The following AKR1B1 variants were observed in gnomAD, a reference collection of about 807,000 sequenced individuals.
AKR1B1 encodes the protein aldo-keto reductase family 1 member B1.
A neutral mutation model predicts 40.4 loss-of-function variants in AKR1B1; 22 were observed. The observed-to-expected ratio is 0.54, with a 90% CI of 0.39 to 0.78. The LOEUF (loss-of-function observed/expected upper bound fraction) is 0.78, where lower values mean the gene tolerates loss of function less well. AKR1B1 is among the 30% of genes least tolerant of loss of function. The pLI is 0.00. For synonymous variants in AKR1B1, 157 were observed against 149.9 expected, an observed-to-expected ratio of 1.05 and a Z score of -0.35; for missense variants, 357 against 396.7, an observed-to-expected ratio of 0.90 and a Z score of 0.85.
chr7:134,451,694 G>A lies in AKR1B1; in HGVS notation c.126C>T (p.His42=), dbSNP rs750716774. ...TCTGGTACACATGGGCACAGTCGATGTGGCGGTACCCGACGTCAATGGCCA... is the reference window on the plus strand; with the variant it reads ...TCTGGTACACATGGGCACAGTCGATATGGCGGTACCCGACGTCAATGGCCA... The part of the protein sequence containing the change: ...VKVAIDVGYR[H]IDCAHVYQNE... The change falls in exon 2 of 10, where the codon CAC becomes CAT. Residue 42 remains histidine (H), a synonymous_variant. Coordinates refer to ENST00000285930, the MANE Select transcript of AKR1B1 (RefSeq NM_001628.4). The A allele has an allele frequency of 4.3e-6, 7 of 1,614,066 alleles. No individual in the cohort carries two copies. The highest frequency in any genetic ancestry group is 1.6e-4 in the Middle Eastern group (1 of 6,084).
rs949899930 is a variant in AKR1B1 at position 134,451,813 on chromosome 7, G to T, written c.67-60C>A. On this transcript the variant is annotated intron_variant, in intron 1 of 9. Coordinates refer to ENST00000285930, the MANE Select transcript of AKR1B1 (RefSeq NM_001628.4). The stretch of plus-strand genomic sequence containing the variant: ...CAGAGTCTGCACAGCAAGGAGGAGG[G>T]GCAGTGGCAGCCACCGATACCTGCT... 1.2e-5 allele frequency: 19 copies of T among 1,577,010 alleles called. No individual in the cohort carries two copies. The African/African-American group carries it at 2.0e-4, about 17-fold the overall frequency.
chr7:134,451,747 G>T lies in AKR1B1; in HGVS notation c.73C>A (p.Pro25Thr). 6.2e-7 allele frequency: 1 copy of T among 1,614,098 alleles called. No individual in the cohort carries two copies. Among genetic ancestry groups the T allele is most frequent in the Non-Finnish European group, 8.5e-7 (1 of 1,180,000 alleles). Residue 25 changes from proline (P) to threonine (T), a missense_variant, in exon 2 of 10, where the codon CCA (proline) becomes ACA (threonine). By Grantham distance (38) the Pro-to-Thr change is conservative. Coordinates refer to ENST00000285930, the MANE Select transcript of AKR1B1 (RefSeq NM_001628.4). Reference sequence around the variant, plus strand: ...TTCACGGCCTCAGTCACCTGCCCTGGAGGGGACTGAAAGGAGAAAGAACGT... The same window carrying T: ...TTCACGGCCTCAGTCACCTGCCCTGTAGGGGACTGAAAGGAGAAAGAACGT... ...ILGLGTWKSP[P>T]GQVTEAVKVA...
chr7:134,458,340 C>T (rs915758164), intron 1 of AKR1B1, among the ~76,000 whole-genome samples: 1 of 152,078 alleles, frequency 6.6e-6, no homozygotes, highest in Non-Finnish European at 1.5e-5. Flanking sequence ...GATTTTTCTC[C>T]CGAGTTCCAG....
intron 5 of AKR1B1, among the ~76,000 whole-genome samples, chr7:134,448,709 G>C (rs1806186279): frequency 6.6e-6 from 1 of 152,182 alleles, no homozygotes; most frequent in East Asian, 1.9e-4. Context: ...ATGGGCCCTA[G>C]AGGCTTTTCT....
intron 5 of AKR1B1, 110 bp downstream of exon 5, chr7:134,448,887 C>G: frequency 7.3e-7 from 1 of 1,366,654 alleles, no homozygotes; most frequent in East Asian, 2.3e-5. Context: ...TGCCAACACC[C>G]AGGAGCTGCC....
Position 134,442,680 on chromosome 7 carries a change from A to T in AKR1B1, c.*48T>A. On this transcript the variant is annotated 3_prime_UTR_variant, in exon 10 of 10. Transcript: ENST00000285930. Reference sequence around the variant, plus strand: ...ACATTTGCAAGGAAAAAAATGAGGCAAGAAACACAGGTATAGGTCACTTGG... The same window carrying T: ...ACATTTGCAAGGAAAAAAATGAGGCTAGAAACACAGGTATAGGTCACTTGG... The T allele has an allele frequency of 1.9e-6, 3 of 1,601,844 alleles. No homozygotes were observed. Among genetic ancestry groups the T allele is most frequent in the Non-Finnish European group, 2.6e-6 (3 of 1,169,152 alleles).
At chr7:134,442,859 G>T (rs1805980884) in intron 9 of AKR1B1, 89 bp from the exon 10 acceptor site, 2 of 1,281,672 alleles carry the variant, frequency 1.6e-6, no homozygotes, top group Non-Finnish European at 2.2e-6. Flanking sequence ...GTGTCTCACT[G>T]AAGAAATAAA....
At position 134,453,716 on chromosome 7, in the gene AKR1B1, T is replaced by C. The variant is rs544966822; in HGVS notation, c.67-1963A>G. 4.1e-3 allele frequency among the ~76,000 whole-genome samples: 624 copies of C among 152,294 alleles called. 2 individuals carry two copies. The highest frequency in any genetic ancestry group is 0.014 in the African/African-American group (599 of 41,556). Reference sequence around the variant, plus strand: ...TCACGAAGAAGCTGCTGATCATTCCTTGGATATGTGCCATTCGCTGGAGAC... The same window carrying C: ...TCACGAAGAAGCTGCTGATCATTCCCTGGATATGTGCCATTCGCTGGAGAC... On this transcript the variant is annotated intron_variant, in intron 1 of 9. Transcript: ENST00000285930.
At position 134,449,028 on chromosome 7, in the gene AKR1B1, GGTTT is replaced by G. The variant is rs1342361244; in HGVS notation, c.517_520del (p.Lys173LeufsTer3). ...AACTGCAGGCTTATACTTCAAGCCA[GGTTT>G]GTTTAAGATCATCTCCACCTGGAGA... On this transcript the variant is annotated frameshift_variant, in exon 5 of 10. Transcript: ENST00000285930. LOFTEE classifies it high-confidence loss of function. The G allele has an allele frequency of 1.9e-6, 3 of 1,614,032 alleles. No homozygotes were observed. The highest frequency in any genetic ancestry group is 8.5e-7 in the Non-Finnish European group (1 of 1,180,024).
In AKR1B1 at chr7:134,450,891, C is replaced by G. The variant is rs139738197; in HGVS notation, c.246G>C (p.Thr82=). 2 of 1,613,888 alleles carry G rather than the reference C, an allele frequency of 1.2e-6. No homozygotes were observed. Among genetic ancestry groups the G allele is most frequent in the South Asian group, 1.1e-5 (1 of 91,082 alleles). ...ELFIVSKLWC[T]YHEKGLVKGA... is the part of the protein sequence containing the mutation. Reference sequence around the variant, plus strand: ...CTTTCACCAGGCCCTTCTCATGGTACGTGCACCACAGCTAAGCCAGCGAGA... The same window carrying G: ...CTTTCACCAGGCCCTTCTCATGGTAGGTGCACCACAGCTAAGCCAGCGAGA... The change falls in exon 3 of 10, where the codon ACG becomes ACC. Residue 82 remains threonine, a synonymous_variant. Coordinates refer to ENST00000285930, the MANE Select transcript of AKR1B1 (RefSeq NM_001628.4).
At chr7:134,452,893 C>T (rs533728261) in intron 1 of AKR1B1, among the ~76,000 whole-genome samples, 14 of 152,120 alleles carry the variant, frequency 9.2e-5, no homozygotes, top group Non-Finnish European at 1.5e-4. Context: ...GAGGGAGCAG[C>T]GAGGCAGGGT....
chr7:134,445,119 C>A lies in AKR1B1; in HGVS notation c.908+119G>T, dbSNP rs13306159. 974 of 923,306 alleles carry A rather than the reference C, an allele frequency of 1.1e-3. 12 individuals are homozygous for A. The East Asian group carries it at 0.023, about 22-fold the overall frequency. 57.2% of individuals were successfully genotyped at this position (923,306 alleles called of 1,614,324 possible). A position where few individuals can be genotyped will look rare whatever the true frequency, so the allele number is the denominator to read the frequency against. ...GTGGCTGAGAAAGCAAGGTAATGTG[C>A]AAAGCAAGAACAGCTGTGACGAGAG... is the stretch of plus-strand genomic sequence containing the variant. On this transcript the variant is annotated intron_variant, in intron 9 of 9. Coordinates refer to ENST00000285930, the MANE Select transcript of AKR1B1 (RefSeq NM_001628.4).
intron 3 of AKR1B1, among the ~76,000 whole-genome samples, 164 bp from the exon 4 acceptor site, chr7:134,449,961 T>A (rs1806235166): frequency 6.6e-6 from 1 of 152,220 alleles, no homozygotes; most frequent in Non-Finnish European, 1.5e-5. Context: ...CAACACTTCT[T>A]TATCAAACGG....
Position 134,448,463 on chromosome 7 carries a change from T to C in AKR1B1, c.583A>G (p.Lys195Glu), listed in dbSNP as rs1562907046. The C allele has an allele frequency of 6.2e-7, 1 of 1,613,860 alleles. No individual in the cohort carries two copies. Among genetic ancestry groups the C allele is most frequent in the South Asian group, 1.1e-5 (1 of 91,054 alleles). Reference sequence around the variant, plus strand: ...TTGGACTGGCAGTACTGGATTAACTTCTCCTGAGTGAGATATGGGTGGCAC... The same window carrying C: ...TTGGACTGGCAGTACTGGATTAACTCCTCCTGAGTGAGATATGGGTGGCAC... ...IECHPYLTQE[K>E]LIQYCQSKGI... Residue 195 changes from lysine (K) to glutamate (E), a missense_variant, in exon 6 of 10, where the codon AAG becomes GAG. Coordinates refer to ENST00000285930, the MANE Select transcript of AKR1B1 (RefSeq NM_001628.4).
At position 134,449,785 on chromosome 7, in the gene AKR1B1, A is replaced by C; in HGVS notation, c.364T>G (p.Phe122Val). The C allele has an allele frequency of 6.2e-7, 1 of 1,613,936 alleles. No homozygotes were observed. The highest frequency in any genetic ancestry group is 8.5e-7 in the Non-Finnish European group (1 of 1,179,818). Residue 122 changes from phenylalanine (F) to valine (V), a missense_variant, in exon 4 of 10, where the codon TTT (phenylalanine) becomes GTT (valine). Transcript: ENST00000285930. ...WPTGFKPGKEFFPLDESGNVV... is the reference protein window; with the variant it reads ...WPTGFKPGKEVFPLDESGNVV... ...TTGCCCGACTCATCCAATGGGAAAAATTCCTTCCCAGGCTGTCATTACAAT... is the reference window on the plus strand; with the variant it reads ...TTGCCCGACTCATCCAATGGGAAAACTTCCTTCCCAGGCTGTCATTACAAT...
intron 7 of AKR1B1, 52 bp from the exon 8 acceptor site, chr7:134,447,433 C>T (rs1485823451): frequency 1.3e-6 from 2 of 1,481,598 alleles, no homozygotes; most frequent in African/African-American, 2.8e-5. Flanking sequence ...CACTCGCACC[C>T]ATCATCTCAG....
chr7:134,456,470 G>A (rs1429874928), intron 1 of AKR1B1, among the ~76,000 whole-genome samples: 2 of 151,806 alleles, frequency 1.3e-5, no homozygotes, highest in Non-Finnish European at 2.9e-5. Context: ...AAGTGCTGGG[G>A]TTACAGGTGT....
chr7:134,447,373 G>T lies in AKR1B1; in HGVS notation c.750C>A (p.Ile250=), dbSNP rs758595288. 15 of 1,613,932 alleles carry T rather than the reference G, an allele frequency of 9.3e-6. No homozygotes were observed. In the Admixed American group the frequency reaches 2.3e-4, roughly 25 times the overall value. ...KHNKTTAQVL[I]RFPMQRNLVV... ...CCAAGTTCCTCTGCATGGGGAACCG[G>T]ATCAGGACCTGTGAGCCCAAGGAGA... Residue 250 remains isoleucine, a synonymous_variant, in exon 8 of 10, where the codon ATC becomes ATA. Transcript: ENST00000285930.
intron 3 of AKR1B1, 113 bp downstream of exon 3, chr7:134,450,673 T>G: frequency 2.4e-6 from 2 of 845,760 alleles, no homozygotes; most frequent in Non-Finnish European, 4.1e-6. Context: ...TGGCTATACC[T>G]TGAGCAGCAA....
Sources: allele counts gnomAD v4.1 joint callset (sites outside exome capture counted in the v4.1 genomes callset), GRCh38; gene constraint gnomAD v4.1.1; transcripts MANE v1.5; gene names NCBI Gene and HGNC (gene_info 2026-07-23, HGNC 2026-07-21).